Variants in UBXN2A observed in about 807,000 individuals in gnomAD.
The protein encoded by UBXN2A is UBX domain protein 2A, also known as UBX domain-containing protein 2A.
A neutral mutation model predicts 28.4 loss-of-function variants in UBXN2A; 28 were observed. The ratio of observed to expected loss-of-function variants is 0.99; its 90% CI spans 0.73 to 1.35. The LOEUF is 1.35. UBXN2A is among the 40% of genes most tolerant of loss of function. The pLI, the probability that UBXN2A is intolerant of heterozygous loss-of-function variation, is 0.00. For synonymous variants in UBXN2A, 97 were observed against 103.6 expected (o/e 0.94, Z 0.39); for missense variants, 253 against 297.9 (o/e 0.85, Z 1.11).
chr2:23,946,167 A>G (rs1414383153), intron 1 of UBXN2A, among the ~76,000 whole-genome samples: 1 of 151,804 alleles, frequency 6.6e-6, no homozygotes, highest in Admixed American at 6.6e-5. Flanking sequence ...TTATTTATTT[A>G]TTTTTAGACA....
chr2:23,971,711 A>G lies in UBXN2A; in HGVS notation c.180+297A>G, dbSNP rs111862080. On this transcript the variant is annotated intron_variant, in intron 3 of 6. Transcript: ENST00000309033. ...TGCTTTGTTGCCCAGGCTGGTCTCA[A>G]ATTCCTGGGCTCAAGTAGTTCTCCT... Among the ~76,000 whole-genome samples, 234 of 152,114 alleles carry G rather than the reference A, an allele frequency of 1.5e-3. 2 individuals carry two copies. The highest frequency in any genetic ancestry group is 5.4e-3 in the African/African-American group (224 of 41,508).
chr2:23,982,822 T>C, intron 4 of UBXN2A, 74 bp from the exon 5 acceptor site: 1 of 1,444,288 alleles, frequency 6.9e-7, no homozygotes, highest in African/African-American at 1.4e-5. Flanking sequence ...ATTCATTTTT[T>C]GTATGTACAG....
intron 3 of UBXN2A, among the ~76,000 whole-genome samples, chr2:23,973,150 G>C (rs1324087178): frequency 1.3e-5 from 2 of 151,280 alleles, no homozygotes; most frequent in Non-Finnish European, 2.9e-5. Context: ...CTCCCTAATA[G>C]CTGGGATTAC....
chr2:23,978,950 C>A (rs1343670590), intron 4 of UBXN2A, among the ~76,000 whole-genome samples: 1 of 146,562 alleles, frequency 6.8e-6, no homozygotes, highest in Admixed American at 6.8e-5. Flanking sequence ...GTAACAGAGC[C>A]AGATTCCATC....
chr2:23,930,972 C>G (rs1024368905), intron 1 of UBXN2A, among the ~76,000 whole-genome samples: 3 of 152,138 alleles, frequency 2.0e-5, no homozygotes, highest in Admixed American at 2.0e-4. Context: ...CAAGACCAAC[C>G]TGGCCAAGAT....
intron 2 of UBXN2A, among the ~76,000 whole-genome samples, 167 bp downstream of exon 2, chr2:23,958,522 C>A (rs1706749661): frequency 1.3e-5 from 2 of 152,130 alleles, no homozygotes; most frequent in African/African-American, 2.4e-5. Flanking sequence ...CTGCATTAAA[C>A]AAATTTTATT....
chr2:23,936,389 T>C (rs1017146856), upstream of UBXN2A, among the ~76,000 whole-genome samples: 1 of 152,074 alleles, frequency 6.6e-6, no homozygotes, highest in Non-Finnish European at 1.5e-5. Flanking sequence ...ATATGAGGTA[T>C]CTAGAATGGG....
intron 1 of UBXN2A, among the ~76,000 whole-genome samples, chr2:23,949,076 G>A (rs377232858): frequency 6.7e-6 from 1 of 150,222 alleles, no homozygotes. Context: ...AAGTAGCTGG[G>A]ACTACAGGCG....
chr2:23,944,507 AC>A (rs1226953758), intron 1 of UBXN2A, among the ~76,000 whole-genome samples: 3 of 152,184 alleles, frequency 2.0e-5, no homozygotes, highest in African/African-American at 7.2e-5. Context: ...TACCTTGTAG[AC>A]CGTAATGGTG....
chr2:23,981,193 G>T (rs1258171116), intron 4 of UBXN2A, among the ~76,000 whole-genome samples: 1 of 151,520 alleles, frequency 6.6e-6, no homozygotes, highest in African/African-American at 2.4e-5. Context: ...GGTAGGCCAG[G>T]TGTAGTGGTT....
At chr2:23,984,493 G>C (rs1573596396) in intron 5 of UBXN2A, among the ~76,000 whole-genome samples, 180 bp from the exon 6 acceptor site, 1 of 152,062 alleles carries the variant, frequency 6.6e-6, no homozygotes, top group African/African-American at 2.4e-5. Context: ...CAGATTCTTA[G>C]AACCATCATA....
At chr2:23,928,253 G>C (rs1705191515) in intron 1 of UBXN2A, among the ~76,000 whole-genome samples, 1 of 151,704 alleles carries the variant, frequency 6.6e-6, no homozygotes, top group Non-Finnish European at 1.5e-5. Context: ...AGAAAGAAAA[G>C]CTCTGCTGTA....
At chr2:23,958,406 C>A in intron 2 of UBXN2A, 51 bp downstream of exon 2, 1 of 1,515,856 alleles carries the variant, frequency 6.6e-7, no homozygotes, top group South Asian at 1.3e-5. Flanking sequence ...TTAATATCGT[C>A]CTGTATTTTT....
intron 4 of UBXN2A, 110 bp from the exon 5 acceptor site, chr2:23,982,783 ATAT>A: frequency 2.7e-6 from 3 of 1,128,202 alleles, no homozygotes; most frequent in East Asian, 5.4e-5. Context: ...ATTGTATAGA[ATAT>A]TATATATTTC....
intron 1 of UBXN2A, among the ~76,000 whole-genome samples, chr2:23,951,439 T>TCTATATATATAG (rs1558840562): frequency 3.6e-5 from 2 of 56,220 alleles, no homozygotes; most frequent in Non-Finnish European, 7.9e-5. Context: ...TATATATATA[T>TCTATATATATAG]ATATATATAT....
rs923292720 is a variant in UBXN2A at position 23,954,138 on chromosome 2, G to A, written c.-14-4163G>A. Among the ~76,000 whole-genome samples, 7 of 152,104 alleles carry A rather than the reference G, an allele frequency of 4.6e-5. No individual in the cohort carries two copies. The East Asian group carries it at 5.8e-4, about 13-fold the overall frequency. ...AGTGATTCTCCTGCCTCAGCCTCCC[G>A]AGTAGCTGGGACTACCCATTAAGTA... On this transcript the variant is annotated intron_variant, in intron 1 of 6. Transcript: ENST00000309033.
chr2:23,998,802 T>C (rs1309185397), intron 6 of UBXN2A, among the ~76,000 whole-genome samples: 1 of 152,132 alleles, frequency 6.6e-6, no homozygotes, highest in South Asian at 2.1e-4. Context: ...TGATCTCAGC[T>C]CACTGCAACC....
chr2:23,993,188 G>T (rs527732030), intron 6 of UBXN2A, among the ~76,000 whole-genome samples: 1 of 152,170 alleles, frequency 6.6e-6, no homozygotes. Flanking sequence ...GAAGAGGAGA[G>T]CAAACTAAAG....
chr2:23,954,807 G>T (rs2150826353), intron 1 of UBXN2A, among the ~76,000 whole-genome samples: 1 of 150,508 alleles, frequency 6.6e-6, no homozygotes, highest in Non-Finnish European at 1.5e-5. Flanking sequence ...GCCCAGGCTG[G>T]AGTGTGGTGA....
Sources: allele counts gnomAD v4.1 joint callset (sites outside exome capture counted in the v4.1 genomes callset), GRCh38; gene constraint gnomAD v4.1.1; transcripts MANE v1.5; gene names NCBI Gene and HGNC (gene_info 2026-07-23, HGNC 2026-07-21).